RABGAP1L: variants seen among roughly 807,000 people sequenced by gnomAD.
The protein encoded by RABGAP1L is rab GTPase-activating protein 1-like.
In RABGAP1L, 63 loss-of-function variants were observed where a neutral mutation model predicts 137.7. The ratio of observed to expected loss-of-function variants is 0.46; its 90% CI spans 0.37 to 0.56. The LOEUF is 0.56. Among genes scored for constraint, RABGAP1L ranks in the 20% least tolerant of loss-of-function variants. The pLI, the probability that RABGAP1L is intolerant of heterozygous loss-of-function variation, is 0.00. For missense variants in RABGAP1L, 1,095 were observed against 1,244.0 expected (o/e 0.88, Z 1.80); for synonymous variants, 431 against 433.7 (o/e 0.99, Z 0.08).
intron 1 of RABGAP1L, among the ~76,000 whole-genome samples, chr1:174,195,881 G>A (rs1667651248): frequency 7.1e-6 from 1 of 140,512 alleles, no homozygotes; most frequent in African/African-American, 2.6e-5. Context: ...TATCGTCCAG[G>A]CTGGAGTGCA....
At chr1:174,201,564 T>G (rs1668101513) in intron 1 of RABGAP1L, among the ~76,000 whole-genome samples, 1 of 152,168 alleles carries the variant, frequency 6.6e-6, no homozygotes, top group South Asian at 2.1e-4. Flanking sequence ...TGCTACACAG[T>G]GTGCTAGAGT....
At chr1:174,815,000 A>G (rs937497147) in intron 19 of RABGAP1L, among the ~76,000 whole-genome samples, 5 of 151,966 alleles carry the variant, frequency 3.3e-5, no homozygotes, top group Admixed American at 3.3e-4. Flanking sequence ...ATTGTATTGT[A>G]TTGTATTGTA....
chr1:174,219,914 T>A (rs1037469754), intron 2 of RABGAP1L, among the ~76,000 whole-genome samples: 1 of 152,228 alleles, frequency 6.6e-6, no homozygotes, highest in East Asian at 1.9e-4. Flanking sequence ...AAAAGTGCTA[T>A]ATATTACTTA....
Position 174,200,941 on chromosome 1 carries a change from C to G in RABGAP1L, c.-33-18184C>G, listed in dbSNP as rs182688102. Among the ~76,000 whole-genome samples, 373 of 152,234 alleles carry G rather than the reference C, an allele frequency of 2.5e-3. 1 individual carries two copies. The highest frequency in any genetic ancestry group is 3.4e-3 in the Middle Eastern group (1 of 294). Reference sequence around the variant, plus strand: ...TTATCCACATCTGAAGTCACTGTGGCTTTGCCTGTTTAAACAAGTTTCTTT... The same window carrying G: ...TTATCCACATCTGAAGTCACTGTGGGTTTGCCTGTTTAAACAAGTTTCTTT... On this transcript the variant is annotated intron_variant, in intron 1 of 25. Coordinates refer to ENST00000681986, the MANE Select transcript of RABGAP1L (RefSeq NM_001366446.1).
intron 19 of RABGAP1L, among the ~76,000 whole-genome samples, chr1:174,887,558 A>G (rs1438041205): frequency 6.6e-6 from 1 of 152,126 alleles, no homozygotes; most frequent in Non-Finnish European, 1.5e-5. Context: ...AGGGTATGCC[A>G]ACATTGTTAT....
At chr1:174,705,813 C>T (rs566569625) in intron 17 of RABGAP1L, 13 of 152,168 alleles carry the variant, frequency 8.5e-5, no homozygotes, top group African/African-American at 2.9e-4. Context: ...ATATCAAAAG[C>T]TATTATTTCA....
At position 174,525,334 on chromosome 1, in the gene RABGAP1L, C is replaced by CT. The variant is rs1386662942; in HGVS notation, c.1711-112034dup. On this transcript the variant is annotated intron_variant, in intron 13 of 25. Coordinates refer to ENST00000681986, the MANE Select transcript of RABGAP1L (RefSeq NM_001366446.1). ...AATATTTTCCATCAGTGTTTTATAG[C>CT]TTTTTTTGGTAGAGATTTTTCACCT... 2.0e-5 allele frequency among the ~76,000 whole-genome samples: 3 copies of CT among 151,978 alleles called. No individual in the cohort carries two copies. The East Asian group carries it at 5.8e-4, about 29-fold the overall frequency.
intron 19 of RABGAP1L, among the ~76,000 whole-genome samples, chr1:174,858,191 C>CT (rs1649634805): frequency 6.6e-6 from 1 of 151,804 alleles, no homozygotes; most frequent in African/African-American, 2.4e-5. Context: ...TTTTTTAAAA[C>CT]TTTTTTGTAG....
At chr1:174,747,086 GTATGAGATATTTTGCTTT>G (rs2148664847) in intron 17 of RABGAP1L, among the ~76,000 whole-genome samples, 1 of 152,234 alleles carries the variant, frequency 6.6e-6, no homozygotes, top group East Asian at 1.9e-4. Flanking sequence ...TCTTGAAAAT[GTATGAGATATTTTGCTTT>G]TAAAAATACA....
intron 19 of RABGAP1L, among the ~76,000 whole-genome samples, chr1:174,905,805 C>T (rs1272342929): frequency 6.6e-5 from 10 of 151,634 alleles, no homozygotes; most frequent in Admixed American, 5.3e-4. Flanking sequence ...GAGCTGAGAT[C>T]GCGCCACTGT....
chr1:174,620,169 C>T (rs1198841018), intron 13 of RABGAP1L, among the ~76,000 whole-genome samples: 1 of 152,084 alleles, frequency 6.6e-6, no homozygotes, highest in African/African-American at 2.4e-5. Context: ...ACTTAGACTC[C>T]CACACAATAA....
chr1:174,604,866 G>A (rs1240427528), intron 13 of RABGAP1L, among the ~76,000 whole-genome samples: 2 of 152,134 alleles, frequency 1.3e-5, no homozygotes, highest in African/African-American at 4.8e-5. Context: ...AAATTAGGCT[G>A]GGTACAGTGG....
Position 174,702,220 on chromosome 1 carries a change from C to T in RABGAP1L, c.2133C>T (p.Cys711=). Residue 711 remains cysteine (C), a synonymous_variant, in exon 17 of 26, where the codon TGC becomes TGT. Transcript: ENST00000681986. ...LTLFTAKFPL[C]MVFHIIDLLL... ...TTTTTACTGCCAAGTTCCCACTCTG[C>T]ATGGTGTTCCACATCATTGACTTAC... The T allele has an allele frequency of 6.2e-7, 1 of 1,612,086 alleles. No individual in the cohort carries two copies. The highest frequency in any genetic ancestry group is 8.5e-7 in the Non-Finnish European group (1 of 1,178,916).
At position 174,555,079 on chromosome 1, in the gene RABGAP1L, A is replaced by C. The variant is rs1425579493; in HGVS notation, c.1711-82296A>C. Among the ~76,000 whole-genome samples, 3 of 152,334 alleles carry C rather than the reference A, an allele frequency of 2.0e-5. No individual in the cohort carries two copies. The East Asian group carries it at 5.8e-4, about 29-fold the overall frequency. ...TAGTTATGGTTAATGCAGATAAAGA[A>C]AACAGCAAGCATACTTTCACAATTT... On this transcript the variant is annotated intron_variant, in intron 13 of 25. Coordinates refer to ENST00000681986, the MANE Select transcript of RABGAP1L (RefSeq NM_001366446.1).
chr1:174,505,129 A>G (rs1281135749), intron 13 of RABGAP1L, among the ~76,000 whole-genome samples: 1 of 152,208 alleles, frequency 6.6e-6, no homozygotes, highest in East Asian at 1.9e-4. Flanking sequence ...TATAAGAGGA[A>G]TTTGCATATC....
chr1:174,332,709 T>G (rs1305519200), intron 11 of RABGAP1L, among the ~76,000 whole-genome samples: 7 of 152,088 alleles, frequency 4.6e-5, no homozygotes, highest in Non-Finnish European at 1.0e-4. Flanking sequence ...AAACAGGAAC[T>G]CTTATATGCT....
rs971413077 is a variant in RABGAP1L at position 174,327,994 on chromosome 1, T to C, written c.1465+22867T>C. ...ATATATATATACACACACATATATATATATATATATATATATATATATATA... is the reference window on the plus strand; with the variant it reads ...ATATATATATACACACACATATATACATATATATATATATATATATATATA... On this transcript the variant is annotated intron_variant, in intron 11 of 25. Coordinates refer to ENST00000681986, the MANE Select transcript of RABGAP1L (RefSeq NM_001366446.1). Among the ~76,000 whole-genome samples, 442 of 77,362 alleles carry C rather than the reference T, an allele frequency of 5.7e-3. 16 individuals carry two copies. Among genetic ancestry groups the C allele is most frequent in the East Asian group, 0.052 (150 of 2,874 alleles). 50.8% of individuals were successfully genotyped at this position (77,362 alleles called of 152,430 possible). A position where few individuals can be genotyped will look rare whatever the true frequency, so the allele number is the denominator to read the frequency against.
intron 15 of RABGAP1L, among the ~76,000 whole-genome samples, chr1:174,688,281 ATATT>A (rs1305042541): frequency 6.6e-6 from 1 of 152,070 alleles, no homozygotes; most frequent in Non-Finnish European, 1.5e-5. Context: ...TTTTTCTACA[ATATT>A]TATTGTTACA....
intron 13 of RABGAP1L, chr1:174,548,511 A>G (rs561493098): frequency 2.1e-6 from 2 of 954,796 alleles, no homozygotes; most frequent in South Asian, 9.7e-5. Flanking sequence ...GGCAGTGTAC[A>G]AATGAAATTA....
Sources: allele counts gnomAD v4.1 joint callset (sites outside exome capture counted in the v4.1 genomes callset), GRCh38; gene constraint gnomAD v4.1.1; transcripts MANE v1.5; gene names NCBI Gene and HGNC (gene_info 2026-07-23, HGNC 2026-07-21).